UHMK1: variants seen among roughly 807,000 people sequenced by gnomAD.
UHMK1 encodes serine/threonine-protein kinase Kist.
In UHMK1, 18 loss-of-function variants were observed where a neutral mutation model predicts 44.0. That is an observed-to-expected ratio of 0.41 (90% CI 0.28 to 0.61). UHMK1 has a LOEUF of 0.61. UHMK1 is among the 20% of genes least tolerant of loss of function. The probability of loss-of-function intolerance (pLI) is 0.31; values close to 1 mark genes in which losing one functional copy is unlikely to be tolerated. For missense variants in UHMK1, 463 were observed against 522.5 expected (o/e 0.89, Z 1.11); for synonymous variants, 231 against 198.5 (o/e 1.16, Z -1.38).
rs1384726960 is a variant in UHMK1, at chr1:162,527,945, G to C, written c.*5395G>C. ...ATTGTTTGTATTTTGTTTTTTTGGG[G>C]GGGGATCTTTATGTGAAAAATCAGA... On this transcript the variant is annotated 3_prime_UTR_variant, in exon 8 of 8. Coordinates refer to ENST00000489294, the MANE Select transcript of UHMK1 (RefSeq NM_175866.5). 6.6e-6 allele frequency: 1 copy of C among 151,570 alleles called. No homozygotes were observed. Among genetic ancestry groups the C allele is most frequent in the Non-Finnish European group, 1.5e-5 (1 of 67,832 alleles). 9.4% of individuals were successfully genotyped at this position (151,570 alleles called of 1,614,324 possible). A position where few individuals can be genotyped will look rare whatever the true frequency, so the allele number is the denominator to read the frequency against.
intron 3 of UHMK1, 137 bp downstream of exon 3, chr1:162,501,241 C>T (rs1034107811): frequency 4.9e-6 from 4 of 810,698 alleles, no homozygotes; most frequent in Admixed American, 5.8e-5. Flanking sequence ...GCAATCTCAG[C>T]TCACTGCAAC....
Position 162,503,735 on chromosome 1 carries a change from CTT to C in UHMK1, c.754-16_754-15del, listed in dbSNP as rs1557940555. The C allele has an allele frequency of 1.2e-6, 2 of 1,605,086 alleles. No individual in the cohort carries two copies. The highest frequency in any genetic ancestry group is 4.5e-5 in the East Asian group (2 of 44,674). ...TACAGACTGAATAACCAAAGGAAAA[CTT>C]TTCTCCGTTTTTTAAGGCAAACAGT... On this transcript the variant is annotated splice_polypyrimidine_tract_variant and intron_variant, in intron 3 of 7. Coordinates refer to ENST00000489294, the MANE Select transcript of UHMK1 (RefSeq NM_175866.5).
At chr1:162,498,290 C>T (rs922949559) in intron 1 of UHMK1, 22 bp downstream of exon 1, 15 of 1,565,000 alleles carry the variant, frequency 9.6e-6, no homozygotes, top group Non-Finnish European at 1.3e-5. Flanking sequence ...TGTCTCCTTT[C>T]TCTTCTTGCC....
At chr1:162,502,654 A>C (rs768760092) in intron 3 of UHMK1, among the ~76,000 whole-genome samples, 3 of 152,200 alleles carry the variant, frequency 2.0e-5, no homozygotes, top group Non-Finnish European at 4.4e-5. Context: ...GGGATCTCCA[A>C]TATATGCCTC....
At chr1:162,515,244 A>C (rs1041211926) in intron 6 of UHMK1, among the ~76,000 whole-genome samples, 1 of 152,020 alleles carries the variant, frequency 6.6e-6, no homozygotes, top group South Asian at 2.1e-4. Context: ...CTAGTACTTT[A>C]TATATATTAT....
intron 1 of UHMK1, among the ~76,000 whole-genome samples, chr1:162,498,544 ATATCT>A (rs1248922872): frequency 6.6e-6 from 1 of 152,168 alleles, no homozygotes; most frequent in African/African-American, 2.4e-5. Flanking sequence ...GCATACAGAA[ATATCT>A]TTTCTAGTGA....
In UHMK1 at chr1:162,525,520, A is replaced by G. The variant is rs1325675423; in HGVS notation, c.*2970A>G. 3 of 152,222 alleles carry G rather than the reference A, an allele frequency of 2.0e-5. No homozygotes were observed. Among genetic ancestry groups the G allele is most frequent in the Non-Finnish European group, 4.4e-5 (3 of 68,030 alleles). 9.4% of individuals were successfully genotyped at this position (152,222 alleles called of 1,614,324 possible). On this transcript the variant is annotated 3_prime_UTR_variant, in exon 8 of 8. Transcript: ENST00000489294. Reference sequence around the variant, plus strand: ...GTGGGAAATACTTGATTCTTTTGAAATATATTTGGAGGGGGTAGCTAGCTA... The same window carrying G: ...GTGGGAAATACTTGATTCTTTTGAAGTATATTTGGAGGGGGTAGCTAGCTA...
At position 162,528,385 on chromosome 1, in the gene UHMK1, T is replaced by C. The variant is rs1652324033; in HGVS notation, c.*5835T>C. On this transcript the variant is annotated 3_prime_UTR_variant, in exon 8 of 8. Coordinates refer to ENST00000489294, the MANE Select transcript of UHMK1 (RefSeq NM_175866.5). ...ACCGCTAGCATAGAAACATTGCCTT[T>C]CCTACACATTCCTCATCATTGTTTC... The C allele has an allele frequency of 2.0e-5, 3 of 152,128 alleles. No individual in the cohort carries two copies. The highest frequency in any genetic ancestry group is 4.4e-5 in the Non-Finnish European group (3 of 67,948). 9.4% of individuals were successfully genotyped at this position (152,128 alleles called of 1,614,324 possible). A position where few individuals can be genotyped will look rare whatever the true frequency, so the allele number is the denominator to read the frequency against.
chr1:162,500,328 T>G, intron 2 of UHMK1, 81 bp downstream of exon 2: 1 of 1,467,740 alleles, frequency 6.8e-7, no homozygotes, highest in Non-Finnish European at 9.1e-7. Flanking sequence ...CAAGGGTAGT[T>G]TAGTAGGGGC....
chr1:162,505,104 C>G (rs1353571359), intron 4 of UHMK1, among the ~76,000 whole-genome samples: 1 of 151,966 alleles, frequency 6.6e-6, no homozygotes, highest in Non-Finnish European at 1.5e-5. Context: ...AATAAATTAG[C>G]TTAACTGTAA....
At chr1:162,497,359 G>A (rs1651084189), upstream of UHMK1, 3 of 684,118 alleles carry the variant, frequency 4.4e-6, no homozygotes, top group East Asian at 8.2e-5. Context: ...AGAGTGCCCT[G>A]GCCTGGGAGA....
chr1:162,500,299 G>A, intron 2 of UHMK1, 52 bp downstream of exon 2: 2 of 1,553,096 alleles, frequency 1.3e-6, no homozygotes, highest in South Asian at 1.2e-5. Context: ...AGTGGTTGAA[G>A]CCAAATATTT....
chr1:162,512,985 T>G, intron 6 of UHMK1, 162 bp downstream of exon 6: 1 of 712,768 alleles, frequency 1.4e-6, no homozygotes, highest in African/African-American at 1.8e-5. Context: ...GGAGTTTCAC[T>G]CTTGTTGCCC....
At position 162,523,023 on chromosome 1, in the gene UHMK1, A is replaced by G. The variant is rs1002670494; in HGVS notation, c.*473A>G. 5.1e-5 allele frequency: 8 copies of G among 157,084 alleles called. No individual in the cohort carries two copies. Among genetic ancestry groups the G allele is most frequent in the African/African-American group, 1.9e-4 (8 of 41,498 alleles). The allele number at this position is 157,084 out of a possible 1,614,324, so 9.7% of individuals were successfully genotyped here. On this transcript the variant is annotated 3_prime_UTR_variant, in exon 8 of 8. Coordinates refer to ENST00000489294, the MANE Select transcript of UHMK1 (RefSeq NM_175866.5). ...TCTCAGTAATGTTAAGTAATTGTCAAGCAGCAGTTACCTACTGTGTTCTTA... is the reference window on the plus strand; with the variant it reads ...TCTCAGTAATGTTAAGTAATTGTCAGGCAGCAGTTACCTACTGTGTTCTTA...
chr1:162,501,219 G>C (rs1285922435), intron 3 of UHMK1, 115 bp downstream of exon 3: 1 of 1,054,476 alleles, frequency 9.5e-7, no homozygotes. Context: ...ACCCAGGCTG[G>C]AGTGCAGTGG....
chr1:162,513,327 CTTCTA>C (rs1181642902), intron 6 of UHMK1, among the ~76,000 whole-genome samples: 1 of 152,142 alleles, frequency 6.6e-6, no homozygotes, highest in East Asian at 1.9e-4. Flanking sequence ...TTCCCAACAA[CTTCTA>C]TCTCTCTGGT....
chr1:162,505,371 AG>A lies in UHMK1; in HGVS notation c.848+1524del, dbSNP rs140289334. On this transcript the variant is annotated intron_variant, in intron 4 of 7. Transcript: ENST00000489294. ...AAGGACCTGCCTGAGACTATTTTAC[AG>A]TCAACTTTTTGGGGGAGGGCGATGT... Among the ~76,000 whole-genome samples the A allele has an allele frequency of 2.8e-3, 426 of 152,232 alleles. 1 individual carries two copies. The highest frequency in any genetic ancestry group is 0.01 in the African/African-American group (420 of 41,530).
In UHMK1 at chr1:162,498,047, T is replaced by C. The variant is rs766918013; in HGVS notation, c.47T>C (p.Leu16Pro). 1 of 1,602,786 alleles carries C rather than the reference T, an allele frequency of 6.2e-7. No homozygotes were observed. The highest frequency in any genetic ancestry group is 1.1e-5 in the South Asian group (1 of 90,246). ...TGGGGCGCGGAGCCGCCGCGTTTTC[T>C]GGAGGCCTTCGGGCGGCTGTGGCAG... The part of the protein sequence containing the change: ...CAWGAEPPRF[L>P]EAFGRLWQVQ... Residue 16 changes from leucine (L) to proline (P), a missense_variant, in exon 1 of 8, where the codon CTG (leucine) becomes CCG (proline). By Grantham distance (98) the Leu-to-Pro change is moderately conservative. Transcript: ENST00000489294.
In UHMK1 at chr1:162,513,837, T is replaced by C. The variant is rs375425205; in HGVS notation, c.1024+1014T>C. Among the ~76,000 whole-genome samples, 3 of 152,354 alleles carry C rather than the reference T, an allele frequency of 2.0e-5. No individual in the cohort carries two copies. In the East Asian group the frequency reaches 5.8e-4, roughly 29 times the overall value. On this transcript the variant is annotated intron_variant, in intron 6 of 7. Coordinates refer to ENST00000489294, the MANE Select transcript of UHMK1 (RefSeq NM_175866.5). Reference sequence around the variant, plus strand: ...TATCCGAGAGATAGTAACACCAAAATACAGATATGTGAAGAACTTTGCGTC... The same window carrying C: ...TATCCGAGAGATAGTAACACCAAAACACAGATATGTGAAGAACTTTGCGTC...
Sources: gnomAD v4.1 joint callset for allele counts (sites outside exome capture counted in the v4.1 genomes callset) on GRCh38, gnomAD v4.1.1 for gene constraint, MANE v1.5 for transcripts, NCBI Gene and HGNC (gene_info 2026-07-23, HGNC 2026-07-21) for gene names.